KCNJ6: variants seen among roughly 807,000 people sequenced by gnomAD.
The protein encoded by KCNJ6 is G protein-activated inward rectifier potassium channel 2.
In KCNJ6, 9 loss-of-function variants were observed where a neutral mutation model predicts 34.2. That is an observed-to-expected ratio of 0.26 (90% CI 0.16 to 0.46). The LOEUF is 0.46. Ranked by LOEUF, KCNJ6 falls within the 20% of genes least tolerant of loss-of-function variation. KCNJ6 has a pLI of 1.00. For synonymous variants in KCNJ6, 196 were observed against 207.1 expected, an observed-to-expected ratio of 0.95 and a Z score of 0.46; for missense variants, 236 against 531.3, an observed-to-expected ratio of 0.44 and a Z score of 5.46.
intron 2 of KCNJ6, among the ~76,000 whole-genome samples, chr21:37,722,268 C>T (rs2054830798): frequency 6.6e-6 from 1 of 152,080 alleles, no homozygotes; most frequent in Admixed American, 6.5e-5. Context: ...ACAAGAACTA[C>T]AAAACACTGT....
At chr21:37,803,840 G>A (rs1475126293) in intron 2 of KCNJ6, among the ~76,000 whole-genome samples, 1 of 152,134 alleles carries the variant, frequency 6.6e-6, no homozygotes, top group Non-Finnish European at 1.5e-5. Context: ...TTTTGACTGT[G>A]TCCTCACCAT....
At chr21:37,639,469 C>A (rs1300112604) in intron 3 of KCNJ6, among the ~76,000 whole-genome samples, 2 of 152,300 alleles carry the variant, frequency 1.3e-5, no homozygotes, top group East Asian at 3.9e-4. Context: ...TTATCCATTG[C>A]ATAAACAGTT....
chr21:37,638,947 CT>C (rs1463609503), intron 3 of KCNJ6, among the ~76,000 whole-genome samples: 2 of 152,240 alleles, frequency 1.3e-5, no homozygotes, highest in Non-Finnish European at 2.9e-5. Flanking sequence ...CTTAACTCTA[CT>C]GAGGAATTGC....
In KCNJ6 at chr21:37,667,322, G is replaced by T. The variant is rs73203806; in HGVS notation, c.947-41838C>A. 1.4e-3 allele frequency among the ~76,000 whole-genome samples: 220 copies of T among 152,174 alleles called. 2 individuals are homozygous for T. The highest frequency in any genetic ancestry group is 2.2e-3 in the Non-Finnish European group (151 of 67,982). ...ATTTTGAATTGGAGAATTCTCTACT[G>T]TGGGGGGCGTTTAGCAACACCTTTC... is the stretch of plus-strand genomic sequence containing the variant. On this transcript the variant is annotated intron_variant, in intron 3 of 3. Transcript: ENST00000609713.
chr21:37,818,923 T>C (rs1270629705), intron 2 of KCNJ6, among the ~76,000 whole-genome samples: 2 of 152,120 alleles, frequency 1.3e-5, no homozygotes, highest in Admixed American at 6.5e-5. Flanking sequence ...TCCAAGGTTT[T>C]TCAGGAAGTC....
intron 2 of KCNJ6, among the ~76,000 whole-genome samples, chr21:37,807,884 C>G (rs1216500644): frequency 6.6e-6 from 1 of 152,156 alleles, no homozygotes; most frequent in Admixed American, 6.5e-5. Flanking sequence ...TGGCAGTAGC[C>G]TGCACCTCCA....
intron 2 of KCNJ6, among the ~76,000 whole-genome samples, chr21:37,778,076 G>T (rs2055150618): frequency 6.6e-6 from 1 of 152,178 alleles, no homozygotes; most frequent in Non-Finnish European, 1.5e-5. Context: ...AACATGACCT[G>T]AAGCGTTCAG....
At chr21:37,863,375 A>C (rs2055604259) in intron 1 of KCNJ6, among the ~76,000 whole-genome samples, 1 of 152,138 alleles carries the variant, frequency 6.6e-6, no homozygotes, top group Non-Finnish European at 1.5e-5. Context: ...CAGCTTCTTA[A>C]TATTGATGGG....
At chr21:37,786,668 G>T (rs940805559) in intron 2 of KCNJ6, among the ~76,000 whole-genome samples, 1 of 152,170 alleles carries the variant, frequency 6.6e-6, no homozygotes, top group Non-Finnish European at 1.5e-5. Flanking sequence ...TAGCATGGAG[G>T]AAAGAGACTG....
intron 3 of KCNJ6, among the ~76,000 whole-genome samples, chr21:37,667,154 T>TAAAAAAAAAAAAAAAAAAAA (rs55953891): frequency 7.7e-5 from 3 of 39,068 alleles, no homozygotes; most frequent in African/African-American, 3.2e-4. Flanking sequence ...CAATAAATAC[T>TAAAAAAAAAAAAAAAAAAAA]AAAAAAAAAA....
chr21:37,914,434 G>A (rs1239442714), intron 1 of KCNJ6, among the ~76,000 whole-genome samples: 1 of 152,136 alleles, frequency 6.6e-6, no homozygotes, highest in African/African-American at 2.4e-5. Context: ...ACTTTCGGGA[G>A]GTTTCAGGGG....
intron 3 of KCNJ6, among the ~76,000 whole-genome samples, chr21:37,656,896 C>T (rs765615304): frequency 6.6e-6 from 1 of 152,198 alleles, no homozygotes; most frequent in Non-Finnish European, 1.5e-5. Flanking sequence ...AAGAAGTTGG[C>T]ACCCCAGCGC....
At chr21:37,753,623 C>G (rs60049352) in intron 2 of KCNJ6, among the ~76,000 whole-genome samples, 3,498 of 152,276 alleles carry the variant, frequency 0.023, 137 homozygotes, top group African/African-American at 0.081. Flanking sequence ...AGGTCAACAT[C>G]CACTTGGAAT....
At chr21:37,873,096 G>A (rs529471157) in intron 1 of KCNJ6, among the ~76,000 whole-genome samples, 1 of 152,234 alleles carries the variant, frequency 6.6e-6, no homozygotes, top group Admixed American at 6.5e-5. Context: ...CCTTGACAAA[G>A]CCTAGCTGTT....
At chr21:37,689,829 T>C (rs540027070) in intron 3 of KCNJ6, among the ~76,000 whole-genome samples, 1 of 152,066 alleles carries the variant, frequency 6.6e-6, no homozygotes, top group South Asian at 2.1e-4. Flanking sequence ...ACCCACACCA[T>C]TGCTTCCTAT....
intron 3 of KCNJ6, among the ~76,000 whole-genome samples, chr21:37,676,390 T>C (rs1480713796): frequency 6.6e-6 from 1 of 152,192 alleles, no homozygotes; most frequent in Non-Finnish European, 1.5e-5. Context: ...TGCACTTTGC[T>C]CACCACTGAA....
At chr21:37,884,177 C>T (rs925283763) in intron 1 of KCNJ6, among the ~76,000 whole-genome samples, 4 of 152,142 alleles carry the variant, frequency 2.6e-5, no homozygotes, top group African/African-American at 9.7e-5. Flanking sequence ...ATGTCTGGGC[C>T]TATAAGCCAG....
intron 2 of KCNJ6, among the ~76,000 whole-genome samples, chr21:37,733,353 G>T (rs1047834093): frequency 5.9e-5 from 9 of 152,180 alleles, no homozygotes; most frequent in African/African-American, 2.2e-4. Flanking sequence ...TTGAAGAGGA[G>T]TCTGCTCTCT....
chr21:37,669,482 G>A (rs900086394), intron 3 of KCNJ6, among the ~76,000 whole-genome samples: 1 of 152,024 alleles, frequency 6.6e-6, no homozygotes, highest in African/African-American at 2.4e-5. Flanking sequence ...AACAAAACAG[G>A]GAAGCCTCAA....
Sources: gnomAD v4.1 joint callset for allele counts (sites outside exome capture counted in the v4.1 genomes callset) on GRCh38, gnomAD v4.1.1 for gene constraint, MANE v1.5 for transcripts, NCBI Gene and HGNC (gene_info 2026-07-23, HGNC 2026-07-21) for gene names.